ETS2: variants seen among roughly 807,000 people sequenced by gnomAD.
The protein encoded by ETS2 is protein C-ets-2.
In ETS2, 19 loss-of-function variants were observed where a neutral mutation model predicts 54.9. The observed-to-expected ratio is 0.35, with a 90% CI of 0.24 to 0.51. The LOEUF is 0.51. Ranked by LOEUF, ETS2 falls within the 20% of genes least tolerant of loss-of-function variation. The pLI is 0.97. For missense variants in ETS2, 417 were observed against 593.0 expected, an observed-to-expected ratio of 0.70 and a Z score of 3.08; for synonymous variants, 219 against 229.3, an observed-to-expected ratio of 0.95 and a Z score of 0.41.
chr21:38,817,445 G>A (rs970976094), intron 6 of ETS2, among the ~76,000 whole-genome samples: 2 of 152,086 alleles, frequency 1.3e-5, no homozygotes, highest in African/African-American at 4.8e-5. Context: ...TTTTTAATAT[G>A]GCCACTAGAA....
chr21:38,813,192 A>C, intron 3 of ETS2, 78 bp downstream of exon 3: 1 of 908,888 alleles, frequency 1.1e-6, no homozygotes, highest in Non-Finnish European at 1.8e-6. Flanking sequence ...GACAGTTCCT[A>C]AGTGAGAAAT....
Position 38,806,415 on chromosome 21 carries a change from G to A in ETS2, c.-1+295G>A, listed in dbSNP as rs968696983. The A allele has an allele frequency of 7.1e-6, 7 of 985,700 alleles. No individual in the cohort carries two copies. Among genetic ancestry groups the A allele is most frequent in the African/African-American group, 1.7e-5 (1 of 57,218 alleles). The allele number at this position is 985,700 out of a possible 1,614,324, so 61.1% of individuals were successfully genotyped here. A position where few individuals can be genotyped will look rare whatever the true frequency, so the allele number is the denominator to read the frequency against. ...GCCTAGCGGCGGGCGCGGCCAGGGC[G>A]CGCTGGCTTGTTTCGCTCGCTTTTG... is the stretch of plus-strand genomic sequence containing the variant. On this transcript the variant is annotated intron_variant, in intron 1 of 9. Coordinates refer to ENST00000360938, the MANE Select transcript of ETS2 (RefSeq NM_005239.6). The surrounding 1 kb of genome is among the most constrained non-coding windows in gnomAD (Gnocchi z 4.3).
intron 6 of ETS2, among the ~76,000 whole-genome samples, chr21:38,818,093 GGTCT>G (rs1195526155): frequency 6.6e-6 from 1 of 152,168 alleles, no homozygotes; most frequent in Non-Finnish European, 1.5e-5. Context: ...CACGTCACTT[GGTCT>G]GTCTGAGCCT....
At chr21:38,815,175 A>AGT (rs3065531) in intron 5 of ETS2, among the ~76,000 whole-genome samples, 194 bp downstream of exon 5, 38,780 of 149,764 alleles carry the variant, frequency 0.26, 5,175 homozygotes, top group Non-Finnish European at 0.31. Flanking sequence ...ACTTTATGTG[A>AGT]GTGTGTGTGT....
At position 38,822,850 on chromosome 21, in the gene ETS2, G is replaced by A. The variant is rs572068141; in HGVS notation, c.1371G>A (p.Leu457=). 2.3e-5 allele frequency: 37 copies of A among 1,603,726 alleles called. No individual in the cohort carries two copies. The South Asian group carries it at 3.4e-4, about 15-fold the overall frequency. ...QNLLGFTPEE[L]HAILGVQPDT... ...TGCTGGGGTTCACGCCCGAGGAACT[G>A]CACGCCATCCTGGGCGTCCAGCCCG... is the stretch of plus-strand genomic sequence containing the variant. Residue 457 remains leucine (L), a synonymous_variant, in exon 10 of 10, where the codon CTG becomes CTA. Transcript: ENST00000360938.
chr21:38,816,331 C>T (rs1360173242), intron 5 of ETS2, among the ~76,000 whole-genome samples: 1 of 151,988 alleles, frequency 6.6e-6, no homozygotes, highest in African/African-American at 2.4e-5. Context: ...TAAAGACCCT[C>T]ATTTCTTCTG....
rs1013066132 is a variant in ETS2 at position 38,821,801 on chromosome 21, A to G, written c.1194+97A>G. 2 of 807,992 alleles carry G rather than the reference A, an allele frequency of 2.5e-6. No individual in the cohort carries two copies. The highest frequency in any genetic ancestry group is 3.9e-5 in the Admixed American group (2 of 50,750). The allele number at this position is 807,992 out of a possible 1,614,324, so 50.1% of individuals were successfully genotyped here. On this transcript the variant is annotated intron_variant, in intron 9 of 9. Transcript: ENST00000360938. The surrounding 1 kb of genome is among the most constrained non-coding windows in gnomAD (Gnocchi z 4.2). Reference sequence around the variant, plus strand: ...CTTTGGGCACAAAAAAGGGTTCACCAGTACTGCTGAGAATCTTTCCACGTG... The same window carrying G: ...CTTTGGGCACAAAAAAGGGTTCACCGGTACTGCTGAGAATCTTTCCACGTG...
chr21:38,811,536 T>A (rs1478342827), intron 2 of ETS2, among the ~76,000 whole-genome samples: 1 of 152,218 alleles, frequency 6.6e-6, no homozygotes, highest in Non-Finnish European at 1.5e-5. Flanking sequence ...AACAGATGGG[T>A]CATTGTATTA....
Position 38,824,842 on chromosome 21 carries a change from A to G in ETS2, c.*1953A>G, listed in dbSNP as rs557308643. On this transcript the variant is annotated 3_prime_UTR_variant, in exon 10 of 10. Coordinates refer to ENST00000360938, the MANE Select transcript of ETS2 (RefSeq NM_005239.6). Reference sequence around the variant, plus strand: ...TTTCATGGGGTTCAGCCTAACAGTTATGGAAACTACAGTCCTTATAAACCA... The same window carrying G: ...TTTCATGGGGTTCAGCCTAACAGTTGTGGAAACTACAGTCCTTATAAACCA... 6.5e-6 allele frequency: 1 copy of G among 152,772 alleles called. No homozygotes were observed. The highest frequency in any genetic ancestry group is 1.9e-4 in the East Asian group (1 of 5,190). 9.5% of individuals were successfully genotyped at this position (152,772 alleles called of 1,614,324 possible).
rs529544077 is a variant in ETS2 at position 38,806,400 on chromosome 21, G to T, written c.-1+280G>T. On this transcript the variant is annotated intron_variant, in intron 1 of 9. Coordinates refer to ENST00000360938, the MANE Select transcript of ETS2 (RefSeq NM_005239.6). The surrounding 1 kb of genome is among the most constrained non-coding windows in gnomAD (Gnocchi z 4.3). The stretch of plus-strand genomic sequence containing the variant: ...GCTGTCTTCGGGGTCGCCTAGCGGC[G>T]GGCGCGGCCAGGGCGCGCTGGCTTG... 2 of 985,788 alleles carry T rather than the reference G, an allele frequency of 2.0e-6. No homozygotes were observed. Among genetic ancestry groups the T allele is most frequent in the African/African-American group, 3.5e-5 (2 of 57,218 alleles). 61.1% of individuals were successfully genotyped at this position (985,788 alleles called of 1,614,324 possible).
chr21:38,820,113 G>T (rs2060951939), intron 8 of ETS2, among the ~76,000 whole-genome samples: 2 of 152,192 alleles, frequency 1.3e-5, no homozygotes, highest in Admixed American at 1.3e-4. Context: ...ACTGGCTTAG[G>T]GAGGGGCAGC....
At chr21:38,819,091 C>T (rs566908197) in intron 7 of ETS2, among the ~76,000 whole-genome samples, 1 of 152,254 alleles carries the variant, frequency 6.6e-6, no homozygotes, top group African/African-American at 2.4e-5. Flanking sequence ...ATAATGTCCC[C>T]CCGACAGAAG....
In ETS2 at chr21:38,806,421, G is replaced by A; in HGVS notation, c.-1+301G>A. 1 of 985,632 alleles carries A rather than the reference G, an allele frequency of 1.0e-6. No individual in the cohort carries two copies. Among genetic ancestry groups the A allele is most frequent in the Non-Finnish European group, 1.2e-6 (1 of 830,124 alleles). The allele number at this position is 985,632 out of a possible 1,614,324, so 61.1% of individuals were successfully genotyped here. A position where few individuals can be genotyped will look rare whatever the true frequency, so the allele number is the denominator to read the frequency against. ...CGGCGGGCGCGGCCAGGGCGCGCTG[G>A]CTTGTTTCGCTCGCTTTTGTTTTTA... On this transcript the variant is annotated intron_variant, in intron 1 of 9. Transcript: ENST00000360938. The surrounding 1 kb of genome is among the most constrained non-coding windows in gnomAD (Gnocchi z 4.3).
Position 38,822,736 on chromosome 21 carries a change from G to A in ETS2, c.1257G>A (p.Arg419=). 1.9e-6 allele frequency: 3 copies of A among 1,614,174 alleles called. No homozygotes were observed. Among genetic ancestry groups the A allele is most frequent in the Non-Finnish European group, 2.5e-6 (3 of 1,180,016 alleles). The part of the protein sequence containing the change: ...KPKMNYEKLS[R]GLRYYYDKNI... The stretch of plus-strand genomic sequence containing the variant: ...AGATGAACTACGAGAAGCTGAGCCG[G>A]GGCTTACGCTACTATTACGACAAGA... Residue 419 remains arginine (R), a synonymous_variant, in exon 10 of 10, where the codon CGG becomes CGA. Transcript: ENST00000360938.
In ETS2 at chr21:38,813,123, T is replaced by C; in HGVS notation, c.184+9T>C. 6.5e-7 allele frequency: 1 copy of C among 1,536,628 alleles called. No homozygotes were observed. The highest frequency in any genetic ancestry group is 9.0e-7 in the Non-Finnish European group (1 of 1,109,194). ...GGATTCCATTTCTCATGGTAATTGG[T>C]TCCTCAGACTTGACAAATTGTGCAT... On this transcript the variant is annotated intron_variant, in intron 3 of 9. Coordinates refer to ENST00000360938, the MANE Select transcript of ETS2 (RefSeq NM_005239.6).
chr21:38,814,243 C>A lies in ETS2; in HGVS notation c.185-30C>A, dbSNP rs369890724. ...CACCTGATATCACCAACTTGAAGTCCTAATGTCCCCATGGGGGGTTTCCTT... is the reference window on the plus strand; with the variant it reads ...CACCTGATATCACCAACTTGAAGTCATAATGTCCCCATGGGGGGTTTCCTT... On this transcript the variant is annotated intron_variant, in intron 3 of 9. Coordinates refer to ENST00000360938, the MANE Select transcript of ETS2 (RefSeq NM_005239.6). This position sits in a 1 kb window ranked among gnomAD's most constrained non-coding sequence, Gnocchi z 4.2. 1.1e-5 allele frequency: 17 copies of A among 1,611,134 alleles called. No homozygotes were observed. The highest frequency in any genetic ancestry group is 1.4e-5 in the Non-Finnish European group (17 of 1,178,474).
Position 38,814,053 on chromosome 21 carries a change from GT to G in ETS2, c.185-216del, listed in dbSNP as rs1274270231. 6.6e-6 allele frequency among the ~76,000 whole-genome samples: 1 copy of G among 152,088 alleles called. No individual in the cohort carries two copies. The highest frequency in any genetic ancestry group is 1.5e-5 in the Non-Finnish European group (1 of 68,008). The stretch of plus-strand genomic sequence containing the variant: ...CTTTGCAAAATAGAATCAAATCTGA[GT>G]TTTATTTTAGATTTTTTTAATAAGT... On this transcript the variant is annotated intron_variant, in intron 3 of 9. Transcript: ENST00000360938. The surrounding 1 kb of genome is among the most constrained non-coding windows in gnomAD (Gnocchi z 4.2).
chr21:38,805,297 T>C, upstream of ETS2: 2 of 1,226,034 alleles, frequency 1.6e-6, no homozygotes, highest in Non-Finnish European at 2.1e-6. The surrounding 1 kb of genome is among the most constrained non-coding windows in gnomAD (Gnocchi z 5.2). Flanking sequence ...ATTTGGAGCC[T>C]TTTTGTGATA....
intron 6 of ETS2, among the ~76,000 whole-genome samples, chr21:38,817,819 T>C (rs2060941425): frequency 6.6e-6 from 1 of 152,184 alleles, no homozygotes; most frequent in East Asian, 1.9e-4. Flanking sequence ...AGCTCCACCA[T>C]TCAGACCCGG....
Sources: allele counts gnomAD v4.1 joint callset (sites outside exome capture counted in the v4.1 genomes callset), GRCh38; gene constraint gnomAD v4.1.1; non-coding constraint Gnocchi (gnomAD v3.1); transcripts MANE v1.5; gene names NCBI Gene and HGNC (gene_info 2026-07-23, HGNC 2026-07-21).